Variants in EYA2 observed in about 807,000 individuals in gnomAD.
EYA2 encodes EYA transcriptional coactivator and phosphatase 2.
EYA2 carries 31 observed loss-of-function variants against 69.2 expected under a neutral mutation model. That is an observed-to-expected ratio of 0.45 (90% CI 0.34 to 0.60). The LOEUF is 0.60. Among genes scored for constraint, EYA2 ranks in the 20% least tolerant of loss-of-function variants. The pLI, the probability that EYA2 is intolerant of heterozygous loss-of-function variation, is 0.02. For synonymous variants in EYA2, 257 were observed against 279.4 expected (o/e 0.92, Z 0.80); for missense variants, 622 against 701.2 (o/e 0.89, Z 1.28).
chr20:47,061,405 C>T (rs929597518), intron 5 of EYA2, among the ~76,000 whole-genome samples: 1 of 152,096 alleles, frequency 6.6e-6, no homozygotes, highest in Non-Finnish European at 1.5e-5. Context: ...GTGTCATGTG[C>T]CCGTAGTCCC....
intron 9 of EYA2, among the ~76,000 whole-genome samples, chr20:47,122,922 C>T (rs2033089716): frequency 6.6e-6 from 1 of 152,186 alleles, no homozygotes; most frequent in South Asian, 2.1e-4. Context: ...TTCACCACCC[C>T]TGGTCTCAAG....
At chr20:47,176,973 G>T (rs1332233185) in intron 12 of EYA2, among the ~76,000 whole-genome samples, 5 of 151,832 alleles carry the variant, frequency 3.3e-5, no homozygotes, top group Non-Finnish European at 5.9e-5. Context: ...TGTATTTTTA[G>T]TAGAGATAGA....
At position 47,074,313 on chromosome 20, in the gene EYA2, C is replaced by A; in HGVS notation, c.639C>A (p.Asn213Lys). 6.2e-7 allele frequency: 1 copy of A among 1,614,060 alleles called. No homozygotes were observed. Residue 213 changes from asparagine to lysine, a missense_variant, in exon 7 of 16, where the codon AAC (asparagine) becomes AAA (lysine). Around this residue, in one of 2 missense-constraint regions of EYA2, gnomAD observed 365 missense variants for 349.7 expected, o/e 1.04. Transcript: ENST00000327619. ...VLQEASHNVP[N>K]QSSESLAGEY... ...AGGAGGCATCTCACAACGTCCCCAA[C>A]CAGAGTTCCGAGTCACTTGCTGGTA...
intron 7 of EYA2, among the ~76,000 whole-genome samples, chr20:47,088,173 G>T (rs979206815): frequency 2.0e-5 from 3 of 152,230 alleles, no homozygotes; most frequent in Non-Finnish European, 4.4e-5. Context: ...GGCAGAGTTT[G>T]CAGTGAGCCG....
At position 47,179,692 on chromosome 20, in the gene EYA2, A is replaced by G; in HGVS notation, c.1199-106A>G. 5.7e-6 allele frequency: 4 copies of G among 707,038 alleles called. 1 individual carries two copies. Among genetic ancestry groups the G allele is most frequent in the Non-Finnish European group, 9.4e-6 (4 of 424,622 alleles). 43.8% of individuals were successfully genotyped at this position (707,038 alleles called of 1,614,324 possible). A position where few individuals can be genotyped will look rare whatever the true frequency, so the allele number is the denominator to read the frequency against. The stretch of plus-strand genomic sequence containing the variant: ...GGATTGAAGTTTACTTTGGGTTGTC[A>G]TCTGATTTTAACCCTCAGGGTACAG... On this transcript the variant is annotated intron_variant, in intron 12 of 15. Coordinates refer to ENST00000327619, the MANE Select transcript of EYA2 (RefSeq NM_005244.5).
intron 8 of EYA2, 70 bp downstream of exon 8, chr20:47,089,451 C>G: frequency 6.6e-7 from 1 of 1,515,998 alleles, no homozygotes; most frequent in Non-Finnish European, 8.9e-7. Flanking sequence ...AGAGTGGGGA[C>G]AGAGTTTTCT....
intron 10 of EYA2, among the ~76,000 whole-genome samples, chr20:47,165,139 A>G (rs993361598): frequency 8.5e-5 from 13 of 152,218 alleles, no homozygotes; most frequent in South Asian, 2.1e-4. Flanking sequence ...CAATATAACT[A>G]TAACTAGCCA....
intron 1 of EYA2, among the ~76,000 whole-genome samples, chr20:46,921,684 G>C (rs1985185716): frequency 6.6e-6 from 1 of 152,178 alleles, no homozygotes; most frequent in African/African-American, 2.4e-5. Flanking sequence ...TAGCCATCTT[G>C]CTTAGGGGAA....
chr20:46,909,129 G>C (rs562419992), intron 1 of EYA2, among the ~76,000 whole-genome samples: 3 of 151,892 alleles, frequency 2.0e-5, no homozygotes, highest in Non-Finnish European at 4.4e-5. Context: ...TTAGTTTCTT[G>C]ATGATGATTA....
chr20:47,085,166 C>T (rs990442258), intron 7 of EYA2, among the ~76,000 whole-genome samples: 5 of 151,878 alleles, frequency 3.3e-5, no homozygotes, highest in African/African-American at 7.3e-5. Flanking sequence ...TTAAACACTA[C>T]TTATTATATG....
intron 1 of EYA2, among the ~76,000 whole-genome samples, chr20:46,973,929 AGAG>A (rs1447424665): frequency 6.6e-6 from 1 of 152,222 alleles, no homozygotes; most frequent in Non-Finnish European, 1.5e-5. Flanking sequence ...TGATGTAATT[AGAG>A]GAGCTCAGTC....
At chr20:47,165,648 C>T (rs1211619264) in intron 10 of EYA2, among the ~76,000 whole-genome samples, 2 of 152,196 alleles carry the variant, frequency 1.3e-5, no homozygotes, top group East Asian at 1.9e-4. Context: ...CACTTTGTCA[C>T]CTGCCACAAA....
chr20:47,148,576 A>AC (rs1253479707), intron 10 of EYA2, among the ~76,000 whole-genome samples: 2 of 151,764 alleles, frequency 1.3e-5, no homozygotes. Context: ...TCATGAGCAG[A>AC]CCAGGCCTGG....
chr20:47,132,678 C>G (rs1019133650), intron 9 of EYA2, among the ~76,000 whole-genome samples: 1 of 152,210 alleles, frequency 6.6e-6, no homozygotes, highest in Admixed American at 6.5e-5. Context: ...CATGGAGATT[C>G]TTGTCTATGG....
intron 1 of EYA2, among the ~76,000 whole-genome samples, chr20:46,932,747 G>A (rs1220595496): frequency 6.6e-5 from 10 of 152,140 alleles, no homozygotes; most frequent in South Asian, 2.1e-4. Context: ...TCAGCCAGGC[G>A]TGGTGGCGGG....
intron 1 of EYA2, among the ~76,000 whole-genome samples, chr20:46,898,523 G>T (rs1600524113): frequency 6.6e-6 from 1 of 151,914 alleles, no homozygotes; most frequent in Non-Finnish European, 1.5e-5. Context: ...TATCATTTGT[G>T]GCAGTTCAAA....
At chr20:47,103,494 A>G (rs1422622796) in intron 9 of EYA2, among the ~76,000 whole-genome samples, 2 of 152,254 alleles carry the variant, frequency 1.3e-5, no homozygotes, top group Non-Finnish European at 1.5e-5. Context: ...TATAAAGGAA[A>G]TAGGTTAAAT....
chr20:47,049,408 C>T (rs959975235), intron 5 of EYA2, among the ~76,000 whole-genome samples: 1 of 152,182 alleles, frequency 6.6e-6, no homozygotes, highest in Non-Finnish European at 1.5e-5. Flanking sequence ...GTCCTCTCCA[C>T]ATTGTTGGAG....
At chr20:47,011,866 T>C (rs1983077984) in intron 4 of EYA2, among the ~76,000 whole-genome samples, 1 of 152,220 alleles carries the variant, frequency 6.6e-6, no homozygotes, top group African/African-American at 2.4e-5. Context: ...GTTTGGAGAA[T>C]TGTGTTAGTG....
Sources: gnomAD v4.1 joint callset for allele counts (sites outside exome capture counted in the v4.1 genomes callset) on GRCh38, gnomAD v4.1.1 for gene constraint, gnomAD v4.1.1 regional missense constraint, MANE v1.5 for transcripts, NCBI Gene and HGNC (gene_info 2026-07-23, HGNC 2026-07-21) for gene names.